Variants in PRIM2 observed in about 807,000 individuals in gnomAD.
PRIM2 encodes DNA primase subunit 2.
PRIM2 carries 39 observed loss-of-function variants against 67.3 expected under a neutral mutation model. That is an observed-to-expected ratio of 0.58 (90% CI 0.45 to 0.76). The LOEUF is 0.76. Ranked by LOEUF, PRIM2 falls within the 30% of genes least tolerant of loss-of-function variation. PRIM2 has a pLI of 0.00. For missense variants in PRIM2, 398 were observed against 598.7 expected, an observed-to-expected ratio of 0.66 and a Z score of 3.50; for synonymous variants, 143 against 198.7, an observed-to-expected ratio of 0.72 and a Z score of 2.36.
intron 8 of PRIM2, among the ~76,000 whole-genome samples, chr6:57,518,991 T>C (rs1306749491): frequency 2.0e-5 from 3 of 152,176 alleles, no homozygotes; most frequent in Non-Finnish European, 4.4e-5. Flanking sequence ...AGAGAAATTT[T>C]AAAGCTGGGT....
the PRIM2 span, among the ~76,000 whole-genome samples, chr6:57,236,946 G>T: frequency 6.6e-6 from 1 of 152,064 alleles, no homozygotes; most frequent in African/African-American, 2.4e-5. Flanking sequence ...GGGATGGCTG[G>T]GTCAAAAGGT....
chr6:57,451,630 C>T (rs36116947), intron 7 of PRIM2, among the ~76,000 whole-genome samples: 10,925 of 151,992 alleles, frequency 0.072, 546 homozygotes, highest in East Asian at 0.2. Flanking sequence ...TAATAGGTCC[C>T]GAAAGCTGTA....
chr6:57,459,486 C>A (rs1393864008), intron 7 of PRIM2, among the ~76,000 whole-genome samples: 3 of 152,140 alleles, frequency 2.0e-5, no homozygotes, highest in Non-Finnish European at 4.4e-5. Flanking sequence ...TGATCTTTTT[C>A]ACAAATGGCA....
At chr6:57,423,512 A>G (rs1286346401) in intron 7 of PRIM2, among the ~76,000 whole-genome samples, 1 of 152,184 alleles carries the variant, frequency 6.6e-6, no homozygotes, top group Non-Finnish European at 1.5e-5. Context: ...TTGGAGTGAC[A>G]TGAGTGCAGT....
intron 7 of PRIM2, among the ~76,000 whole-genome samples, chr6:57,424,869 A>T (rs1771570559): frequency 6.6e-6 from 1 of 152,200 alleles, no homozygotes; most frequent in African/African-American, 2.4e-5. Flanking sequence ...ATATATTATT[A>T]AATGAACTAA....
the PRIM2 span, among the ~76,000 whole-genome samples, chr6:57,222,742 C>T: frequency 2.6e-5 from 4 of 152,122 alleles, no homozygotes; most frequent in Non-Finnish European, 4.4e-5. Context: ...GCAATCTCAA[C>T]TTTGCTTCAG....
upstream of PRIM2, among the ~76,000 whole-genome samples, chr6:57,317,396 C>G (rs1767511509): frequency 6.6e-6 from 1 of 152,174 alleles, no homozygotes; most frequent in South Asian, 2.1e-4. Flanking sequence ...CCAGTTTCAA[C>G]CGTTAAAGCT....
intron 5 of PRIM2, among the ~76,000 whole-genome samples, chr6:57,354,194 C>T (rs1300080332): frequency 6.6e-6 from 1 of 152,110 alleles, no homozygotes; most frequent in Non-Finnish European, 1.5e-5. Flanking sequence ...TCATTTTTCC[C>T]TTCCTTCCTT....
intron 7 of PRIM2, among the ~76,000 whole-genome samples, chr6:57,507,111 C>G (rs1289676383): frequency 6.6e-6 from 1 of 151,804 alleles, no homozygotes; most frequent in Non-Finnish European, 1.5e-5. Context: ...TTTTCATGAA[C>G]TCAGGACACT....
At position 57,537,642 on chromosome 6, in the gene PRIM2, A is replaced by C. The variant is rs1363696013; in HGVS notation, c.1020+17A>C. 1.4e-6 allele frequency: 2 copies of C among 1,405,890 alleles called. No individual in the cohort carries two copies. The highest frequency in any genetic ancestry group is 1.9e-6 in the Non-Finnish European group (2 of 1,061,750). The allele number at this position is 1,405,890 out of a possible 1,614,324, so 87.1% of individuals were successfully genotyped here. On this transcript the variant is annotated intron_variant, in intron 10 of 13. Transcript: ENST00000615550. The stretch of plus-strand genomic sequence containing the variant: ...CCAGACAAGGTAATTTTGAAAAAAA[A>C]TATCAGAGTGGTACCTGATATTTTA...
At chr6:57,572,956 T>C (rs1436373860) in intron 10 of PRIM2, among the ~76,000 whole-genome samples, 1 of 152,246 alleles carries the variant, frequency 6.6e-6, no homozygotes, top group Admixed American at 6.5e-5. Flanking sequence ...TATTTACTTT[T>C]GTTAGAGATA....
rs761369025 is a variant in PRIM2, at chr6:57,379,913, G to A, written c.472G>A (p.Glu158Lys). The A allele has an allele frequency of 6.4e-7, 1 of 1,551,994 alleles. No homozygotes were observed. Among genetic ancestry groups the A allele is most frequent in the South Asian group, 1.2e-5 (1 of 83,814 alleles). Residue 158 changes from glutamate (E) to lysine (K), a missense_variant, in exon 6 of 14, where the codon GAG (glutamate) becomes AAG (lysine). Coordinates refer to ENST00000615550, the MANE Select transcript of PRIM2 (RefSeq NM_000947.5). ...QLQFEAISDE[E>K]KTLREQEIVA... ...TATGTTTTTTTAGATAAGTGATGAA[G>A]AGAAGACTCTTCGAGAACAGGAGAT...
intron 7 of PRIM2, among the ~76,000 whole-genome samples, chr6:57,432,876 A>G (rs1434006148): frequency 1.3e-5 from 2 of 152,364 alleles, no homozygotes; most frequent in East Asian, 1.9e-4. Flanking sequence ...GTCTAACTCC[A>G]TATCATAATC....
At chr6:57,398,704 A>G (rs1175080974) in intron 7 of PRIM2, among the ~76,000 whole-genome samples, 1 of 152,068 alleles carries the variant, frequency 6.6e-6, no homozygotes, top group Non-Finnish European at 1.5e-5. Flanking sequence ...TATCTTCGTT[A>G]ATTTTCTGCC....
At chr6:57,510,502 A>G (rs1304613120) in intron 8 of PRIM2, among the ~76,000 whole-genome samples, 3 of 152,152 alleles carry the variant, frequency 2.0e-5, no homozygotes, top group African/African-American at 7.2e-5. Flanking sequence ...CTACTGACAC[A>G]TCTCTTTGAG....
At chr6:57,330,793 T>G (rs2127280655) in intron 5 of PRIM2, among the ~76,000 whole-genome samples, 1 of 152,176 alleles carries the variant, frequency 6.6e-6, no homozygotes, top group Admixed American at 6.5e-5. Flanking sequence ...TTCTTCTAAT[T>G]CTAGTTGAAT....
chr6:57,313,418 G>A (rs1210053876), upstream of PRIM2, among the ~76,000 whole-genome samples: 1 of 152,082 alleles, frequency 6.6e-6, no homozygotes, highest in Non-Finnish European at 1.5e-5. Flanking sequence ...AATGTTGCCT[G>A]GCACTTAGTA....
intron 8 of PRIM2, among the ~76,000 whole-genome samples, chr6:57,508,924 A>T (rs1234669996): frequency 6.6e-6 from 1 of 152,204 alleles, no homozygotes; most frequent in East Asian, 1.9e-4. Context: ...TAGTCAACAT[A>T]CCTACATTTT....
intron 5 of PRIM2, among the ~76,000 whole-genome samples, chr6:57,377,187 C>T (rs535311209): frequency 9.9e-4 from 150 of 152,142 alleles, no homozygotes; most frequent in African/African-American, 3.1e-3. Flanking sequence ...CGCACCCTGC[C>T]GGTTTTTCTA....
Sources: gnomAD v4.1 joint callset for allele counts (sites outside exome capture counted in the v4.1 genomes callset) on GRCh38, gnomAD v4.1.1 for gene constraint, MANE v1.5 for transcripts, NCBI Gene and HGNC (gene_info 2026-07-23, HGNC 2026-07-21) for gene names.